The following FGF10 variants were observed in gnomAD, a reference collection of about 807,000 sequenced individuals.
FGF10 encodes FGF-10.
A neutral mutation model predicts 19.8 loss-of-function variants in FGF10; 2 were observed. The ratio of observed to expected loss-of-function variants is 0.10; its 90% confidence interval spans 0.04 to 0.32. The LOEUF is 0.32. Among genes scored for constraint, FGF10 ranks in the 10% least tolerant of loss-of-function variants. The pLI is 1.00. For synonymous variants in FGF10, 112 were observed against 94.0 expected (o/e 1.19, Z -1.10); for missense variants, 191 against 246.3 (o/e 0.78, Z 1.50).
At chr5:44,321,444 G>A (rs1740484786) in intron 1 of FGF10, among the ~76,000 whole-genome samples, 2 of 152,184 alleles carry the variant, frequency 1.3e-5, no homozygotes, top group African/African-American at 4.8e-5. Flanking sequence ...CACCACAGCT[G>A]CATAAACATT....
In FGF10 at chr5:44,300,405, A is replaced by G. The variant is rs1247765113; in HGVS notation, c.*4590T>C. The stretch of plus-strand genomic sequence containing the variant: ...ATCATATTGTGATACAGGTTGAAGT[A>G]GGAGGACCAGCTTTTTATTCAGTGA... On this transcript the variant is annotated 3_prime_UTR_variant, in exon 3 of 3. Transcript: ENST00000264664. Among the ~76,000 whole-genome samples the G allele has an allele frequency of 1.3e-5, 2 of 152,188 alleles. No individual in the cohort carries two copies. Among genetic ancestry groups the G allele is most frequent in the African/African-American group, 4.8e-5 (2 of 41,458 alleles).
intron 1 of FGF10, among the ~76,000 whole-genome samples, chr5:44,360,567 C>T (rs908149584): frequency 3.3e-5 from 5 of 151,752 alleles, no homozygotes; most frequent in Middle Eastern, 6.8e-3. Flanking sequence ...TTGTCTACCT[C>T]ATGGCTTCTC....
At chr5:44,328,982 G>A in intron 1 of FGF10, among the ~76,000 whole-genome samples, 1 of 152,098 alleles carries the variant, frequency 6.6e-6, no homozygotes. Flanking sequence ...AGGTGACAGA[G>A]TGAGACTCTG....
chr5:44,309,154 G>T (rs187412819), intron 2 of FGF10, among the ~76,000 whole-genome samples: 1 of 152,210 alleles, frequency 6.6e-6, no homozygotes, highest in East Asian at 1.9e-4. Flanking sequence ...AAAGATTTGT[G>T]TCACAGGTTT....
chr5:44,306,518 C>A, intron 2 of FGF10, among the ~76,000 whole-genome samples: 1 of 139,322 alleles, frequency 7.2e-6, no homozygotes, highest in Non-Finnish European at 1.6e-5. Context: ...TCTTCTTCAT[C>A]CAAAGCAAGG....
intron 1 of FGF10, among the ~76,000 whole-genome samples, chr5:44,366,853 T>A (rs1039820022): frequency 6.6e-6 from 1 of 152,070 alleles, no homozygotes; most frequent in Non-Finnish European, 1.5e-5. Flanking sequence ...TATGAATACT[T>A]TCTTTAATAA....
chr5:44,303,437 A>G lies in FGF10; in HGVS notation c.*1558T>C, dbSNP rs1236180412. 1.3e-5 allele frequency: 2 copies of G among 152,168 alleles called. No homozygotes were observed. The highest frequency in any genetic ancestry group is 4.8e-5 in the African/African-American group (2 of 41,446). 9.4% of individuals were successfully genotyped at this position (152,168 alleles called of 1,614,324 possible). A position where few individuals can be genotyped will look rare whatever the true frequency, so the allele number is the denominator to read the frequency against. ...ATGCTTTTTCAAAACAAGAAATATG[A>G]AGATAAAACTGCAGCATCAATATAC... is the stretch of plus-strand genomic sequence containing the variant. On this transcript the variant is annotated 3_prime_UTR_variant, in exon 3 of 3. Coordinates refer to ENST00000264664, the MANE Select transcript of FGF10 (RefSeq NM_004465.2).
intron 1 of FGF10, among the ~76,000 whole-genome samples, chr5:44,387,639 A>C (rs1742133664): frequency 6.6e-6 from 1 of 152,202 alleles, no homozygotes; most frequent in South Asian, 2.1e-4. Flanking sequence ...AGACATGAGC[A>C]TCATGTTACC....
intron 1 of FGF10, among the ~76,000 whole-genome samples, chr5:44,340,357 A>G (rs1311483684): frequency 6.6e-6 from 1 of 152,084 alleles, no homozygotes; most frequent in African/African-American, 2.4e-5. Flanking sequence ...CTACCCTTGT[A>G]TCCATAAAGT....
At chr5:44,345,614 T>C (rs911028382) in intron 1 of FGF10, among the ~76,000 whole-genome samples, 2 of 140,392 alleles carry the variant, frequency 1.4e-5, no homozygotes, top group Non-Finnish European at 3.1e-5. Context: ...TGTTTCACTG[T>C]TCATTCCCTT....
At chr5:44,347,278 C>T (rs950460470) in intron 1 of FGF10, among the ~76,000 whole-genome samples, 2 of 151,700 alleles carry the variant, frequency 1.3e-5, no homozygotes, top group African/African-American at 4.8e-5. Context: ...CTTCACGTCA[C>T]TGTCAAAAGT....
chr5:44,354,900 C>T (rs1256721648), intron 1 of FGF10, among the ~76,000 whole-genome samples: 2 of 151,412 alleles, frequency 1.3e-5, no homozygotes, highest in South Asian at 4.1e-4. Flanking sequence ...GATGCAGCTT[C>T]GATCAGATCT....
At chr5:44,318,313 C>T (rs1740402706) in intron 1 of FGF10, among the ~76,000 whole-genome samples, 1 of 152,170 alleles carries the variant, frequency 6.6e-6, no homozygotes. Flanking sequence ...GATAGGTAAA[C>T]ATTTCTGTAT....
intron 1 of FGF10, among the ~76,000 whole-genome samples, chr5:44,316,399 A>G (rs550929495): frequency 6.6e-6 from 1 of 152,292 alleles, no homozygotes; most frequent in Non-Finnish European, 1.5e-5. Flanking sequence ...CCAACCTTCT[A>G]TACCAATAGT....
chr5:44,368,326 T>C (rs189345500), intron 1 of FGF10, among the ~76,000 whole-genome samples: 1 of 152,232 alleles, frequency 6.6e-6, no homozygotes, highest in African/African-American at 2.4e-5. Context: ...AATAATAATT[T>C]GATGCCTTCT....
chr5:44,318,562 G>T (rs1579900648), intron 1 of FGF10, among the ~76,000 whole-genome samples: 1 of 152,070 alleles, frequency 6.6e-6, no homozygotes. Context: ...CGCGAGCATT[G>T]GAAGGACAGA....
intron 1 of FGF10, among the ~76,000 whole-genome samples, chr5:44,313,129 G>A (rs1340112170): frequency 2.6e-5 from 4 of 152,040 alleles, no homozygotes; most frequent in African/African-American, 9.7e-5. Context: ...TTTCAAAATA[G>A]AGGGAAGACA....
chr5:44,314,507 G>T (rs1280757834), intron 1 of FGF10, among the ~76,000 whole-genome samples: 1 of 152,040 alleles, frequency 6.6e-6, no homozygotes, highest in African/African-American at 2.4e-5. Flanking sequence ...ATATTACTTT[G>T]CGAATGTTCC....
intron 1 of FGF10, among the ~76,000 whole-genome samples, chr5:44,381,156 T>C (rs1309564461): frequency 3.3e-5 from 5 of 152,150 alleles, no homozygotes; most frequent in Non-Finnish European, 5.9e-5. Context: ...ATCAGCACTC[T>C]GAAGGGGGCT....
Sources: allele counts gnomAD v4.1 joint callset (sites outside exome capture counted in the v4.1 genomes callset), GRCh38; gene constraint gnomAD v4.1.1; transcripts MANE v1.5; gene names NCBI Gene and HGNC (gene_info 2026-07-23, HGNC 2026-07-21).